Variants in HNF1A observed in about 807,000 individuals in gnomAD.
HNF1A encodes the protein hepatocyte nuclear factor 1-alpha.
In HNF1A, 21 loss-of-function variants were observed where a neutral mutation model predicts 62.2. The ratio of observed to expected loss-of-function variants is 0.34; its 90% CI spans 0.24 to 0.49. The LOEUF (loss-of-function observed/expected upper bound fraction) is 0.49. HNF1A is among the 20% of genes least tolerant of loss of function. HNF1A has a pLI of 0.99. For missense variants in HNF1A, 687 were observed against 832.3 expected, an observed-to-expected ratio of 0.83 and a Z score of 2.15; for synonymous variants, 374 against 366.8, an observed-to-expected ratio of 1.02 and a Z score of -0.22.
rs969362909 is a variant in HNF1A at position 120,993,376 on chromosome 12, G to A, written c.527-144G>A. 1.9e-5 allele frequency: 15 copies of A among 773,662 alleles called. No individual in the cohort carries two copies. The Middle Eastern group carries it at 4.2e-3, about 214-fold the overall frequency. The allele number at this position is 773,662 out of a possible 1,614,324, so 47.9% of individuals were successfully genotyped here. ...GTGTGCTGTGTGTTTGTCATCAGTA[G>A]ATTAGATGATTTCTAAGTTCTAGCT... is the stretch of plus-strand genomic sequence containing the variant. On this transcript the variant is annotated intron_variant, in intron 2 of 9. Coordinates refer to ENST00000257555, the MANE Select transcript of HNF1A (RefSeq NM_000545.8).
At chr12:120,988,392 T>TCGCC (rs1214996277) in intron 1 of HNF1A, among the ~76,000 whole-genome samples, 1 of 148,500 alleles carries the variant, frequency 6.7e-6, no homozygotes. Context: ...ATCCACCAAT[T>TCGCC]CATCCATCCA....
At position 120,997,473 on chromosome 12, in the gene HNF1A, G is replaced by T; in HGVS notation, c.1310-1G>T. ...GCTGATTCCCTCCCCTTCCACTCCA[G>T]GCCTGGCCTCCACGCAGGCACAGAG... On this transcript the variant is annotated splice_acceptor_variant, in intron 6 of 9. Transcript: ENST00000257555. LOFTEE classifies it high-confidence loss of function. The T allele has an allele frequency of 6.2e-7, 1 of 1,604,826 alleles. No homozygotes were observed.
rs974630395 is a variant in HNF1A at position 120,996,150 on chromosome 12, A to C, written c.956-112A>C. On this transcript the variant is annotated intron_variant, in intron 4 of 9. Coordinates refer to ENST00000257555, the MANE Select transcript of HNF1A (RefSeq NM_000545.8). This position sits in a 1 kb window ranked among gnomAD's most constrained non-coding sequence, Gnocchi z 4.5. Reference sequence around the variant, plus strand: ...GCAGATTTGCTGGCTGCATAAAGGCAGACAGGCAGCTGGCCTAAGCAAACC... The same window carrying C: ...GCAGATTTGCTGGCTGCATAAAGGCCGACAGGCAGCTGGCCTAAGCAAACC... The C allele has an allele frequency of 7.6e-7, 1 of 1,310,728 alleles. No individual in the cohort carries two copies. Among genetic ancestry groups the C allele is most frequent in the African/African-American group, 1.4e-5 (1 of 68,988 alleles). The allele number at this position is 1,310,728 out of a possible 1,614,324, so 81.2% of individuals were successfully genotyped here.
At chr12:120,988,789 G>C in intron 1 of HNF1A, 44 bp from the exon 2 acceptor site, 14 of 1,592,202 alleles carry the variant, frequency 8.8e-6, no homozygotes, top group Non-Finnish European at 1.1e-5. Flanking sequence ...CCTATGGGGA[G>C]AGACAGCCCT....
In HNF1A at chr12:121,001,615, G is replaced by A. The variant is rs556081386; in HGVS notation, c.*423G>A. On this transcript the variant is annotated 3_prime_UTR_variant, in exon 10 of 10. Transcript: ENST00000257555. Reference sequence around the variant, plus strand: ...GGCCTGTGTAGCTGTGACCTGCTGAGCTCTGAGAGGCCCTGGATCAGCGTG... The same window carrying A: ...GGCCTGTGTAGCTGTGACCTGCTGAACTCTGAGAGGCCCTGGATCAGCGTG... The A allele has an allele frequency of 9.8e-5, 43 of 440,492 alleles. 2 individuals are homozygous for A. The highest frequency in any genetic ancestry group is 7.5e-4 in the South Asian group (37 of 49,130). 27.3% of individuals were successfully genotyped at this position (440,492 alleles called of 1,614,324 possible). A position where few individuals can be genotyped will look rare whatever the true frequency, so the allele number is the denominator to read the frequency against.
intron 2 of HNF1A, 118 bp from the exon 3 acceptor site, chr12:120,993,402 G>C (rs189660054): frequency 1.2e-5 from 12 of 964,898 alleles, no homozygotes; most frequent in Admixed American, 7.9e-5. Flanking sequence ...AGTTCTAGCT[G>C]TAAGCTCCTC....
intron 3 of HNF1A, 103 bp downstream of exon 3, chr12:120,993,809 G>A (rs933384863): frequency 1.4e-5 from 17 of 1,204,718 alleles, no homozygotes; most frequent in African/African-American, 6.0e-5. Context: ...TCCAGTTGCC[G>A]AGAACTCCTG....
At position 120,982,456 on chromosome 12, in the gene HNF1A, CA is replaced by C. The variant is rs113526980; in HGVS notation, c.326+3363del. On this transcript the variant is annotated intron_variant, in intron 1 of 9. Transcript: ENST00000257555. The stretch of plus-strand genomic sequence containing the variant: ...AGACTCAGGAAAACAGTAGCCACGG[CA>C]GGAGGGGGGGGGGACAGAGGATCTG... 3.9e-3 allele frequency among the ~76,000 whole-genome samples: 536 copies of C among 138,558 alleles called. 3 individuals are homozygous for C. Among genetic ancestry groups the C allele is most frequent in the African/African-American group, 0.014 (484 of 35,730 alleles). The allele number at this position is 138,558 out of a possible 152,430, so 90.9% of individuals were successfully genotyped here.
intron 1 of HNF1A, among the ~76,000 whole-genome samples, chr12:120,981,583 C>T (rs772612964): frequency 1.2e-4 from 18 of 152,204 alleles, no homozygotes; most frequent in Non-Finnish European, 2.2e-4. Context: ...GTACCCCAAG[C>T]CAATTCCCAC....
Position 121,001,116 on chromosome 12 carries a change from A to G in HNF1A, c.1820A>G (p.Gln607Arg), listed in dbSNP as rs1877444716. Residue 607 changes from glutamine (Q) to arginine (R), a missense_variant, in exon 10 of 10, where the codon CAG (glutamine) becomes CGG (arginine). This residue lies in a region of HNF1A where 408 missense variants were observed against 455.3 expected (regional missense o/e 0.90). Coordinates refer to ENST00000257555, the MANE Select transcript of HNF1A (RefSeq NM_000545.8). ...LYQSSDSSNG[Q>R]SHLLPSNHSV... ...CAGAGCTCAGACTCCAGCAATGGCC[A>G]GAGCCACCTGCTGCCATCCAACCAC... 6.2e-7 allele frequency: 1 copy of G among 1,613,954 alleles called. No individual in the cohort carries two copies. The highest frequency in any genetic ancestry group is 8.5e-7 in the Non-Finnish European group (1 of 1,179,978).
At chr12:120,990,573 C>A in intron 2 of HNF1A, among the ~76,000 whole-genome samples, 1 of 142,012 alleles carries the variant, frequency 7.0e-6, no homozygotes, top group South Asian at 2.2e-4. Context: ...GGTTCCTCCT[C>A]TAAAAAAGAA....
At chr12:120,997,759 C>G in intron 7 of HNF1A, 94 bp downstream of exon 7, 1 of 1,272,630 alleles carries the variant, frequency 7.9e-7, no homozygotes. Flanking sequence ...GCATTGCAGT[C>G]TGCATGTGTC....
intron 1 of HNF1A, among the ~76,000 whole-genome samples, chr12:120,984,859 C>A (rs534718463): frequency 9.2e-5 from 14 of 151,918 alleles, no homozygotes; most frequent in African/African-American, 2.9e-4. Flanking sequence ...ACACCGTCTA[C>A]TTCCTAGGGT....
intron 6 of HNF1A, chr12:120,997,049 T>C: frequency 7.0e-7 from 1 of 1,432,268 alleles, no homozygotes; most frequent in Non-Finnish European, 9.2e-7. Context: ...TTTTCTAAGT[T>C]TTTGTTTTAT....
Position 120,994,201 on chromosome 12 carries a change from G to A in HNF1A, c.751G>A (p.Ala251Thr), listed in dbSNP as rs1876968297. 1 of 1,613,524 alleles carries A rather than the reference G, an allele frequency of 6.2e-7. No individual in the cohort carries two copies. Among genetic ancestry groups the A allele is most frequent in the Non-Finnish European group, 8.5e-7 (1 of 1,179,844 alleles). The change falls in exon 4 of 10, where the codon GCA (alanine) becomes ACA (threonine). Residue 251 changes from alanine to threonine, a missense_variant. By Grantham distance (58) the Ala-to-Thr change is moderately conservative. This residue lies in a region of HNF1A where 47 missense variants were observed against 109.4 expected (regional missense o/e 0.43). Transcript: ENST00000257555. ...CCAGAGAGGGGTGTCCCCATCACAGGCACAGGGGCTGGGCTCCAACCTCGT... is the reference window on the plus strand; with the variant it reads ...CCAGAGAGGGGTGTCCCCATCACAGACACAGGGGCTGGGCTCCAACCTCGT... ...CIQRGVSPSQ[A>T]QGLGSNLVTE... is the part of the protein sequence containing the mutation.
At chr12:120,985,871 G>A (rs541242248) in intron 1 of HNF1A, among the ~76,000 whole-genome samples, 1 of 151,728 alleles carries the variant, frequency 6.6e-6, no homozygotes, top group East Asian at 1.9e-4. Context: ...TGTAATCCCA[G>A]CTACTCGGGA....
chr12:120,993,427 G>A lies in HNF1A; in HGVS notation c.527-93G>A. On this transcript the variant is annotated intron_variant, in intron 2 of 9. Transcript: ENST00000257555. ...GTAAGCTCCTCTGGTTCAGCGCCAT[G>A]GCAATGAGAAAGAATCAAGGGCAAG... 1.6e-6 allele frequency: 2 copies of A among 1,269,054 alleles called. 1 individual carries two copies. Among genetic ancestry groups the A allele is most frequent in the South Asian group, 2.5e-5 (2 of 81,048 alleles). The allele number at this position is 1,269,054 out of a possible 1,614,324, so 78.6% of individuals were successfully genotyped here. A position where few individuals can be genotyped will look rare whatever the true frequency, so the allele number is the denominator to read the frequency against.
In HNF1A at chr12:121,001,161, T is replaced by C. The variant is rs768419842; in HGVS notation, c.1865T>C (p.Ile622Thr). ...AACCACAGCGTCATCGAGACCTTCA[T>C]CTCCACCCAGATGGCCTCTTCCTCC... Reference protein sequence around the residue: ...PSNHSVIETFISTQMASSSQ With the variant: ...PSNHSVIETFTSTQMASSSQ Residue 622 changes from isoleucine to threonine, a missense_variant, in exon 10 of 10, where the codon ATC (isoleucine) becomes ACC (threonine). By Grantham distance (89) the Ile-to-Thr change is moderately conservative. Around this residue, in one of 5 missense-constraint regions of HNF1A, gnomAD observed 408 missense variants for 455.3 expected, o/e 0.90. Coordinates refer to ENST00000257555, the MANE Select transcript of HNF1A (RefSeq NM_000545.8). The C allele has an allele frequency of 6.8e-6, 11 of 1,614,070 alleles. 1 individual carries two copies. The South Asian group carries it at 1.2e-4, about 18-fold the overall frequency.
At chr12:120,995,170 G>T (rs1877038647) in intron 4 of HNF1A, among the ~76,000 whole-genome samples, 2 of 135,602 alleles carry the variant, frequency 1.5e-5, no homozygotes, top group African/African-American at 5.6e-5. Context: ...CTCCATACCT[G>T]GCTCCATCCA....
Sources: gnomAD v4.1 joint callset for allele counts (sites outside exome capture counted in the v4.1 genomes callset) on GRCh38, gnomAD v4.1.1 for gene constraint, gnomAD v4.1.1 regional missense constraint, Gnocchi (gnomAD v3.1) non-coding constraint, MANE v1.5 for transcripts, NCBI Gene and HGNC (gene_info 2026-07-23, HGNC 2026-07-21) for gene names.